GATA2: variants seen among roughly 807,000 people sequenced by gnomAD.
GATA2 encodes the protein GATA binding protein 2, also known as endothelial transcription factor GATA-2.
GATA2 carries 6 observed loss-of-function variants against 35.7 expected under a neutral mutation model. The ratio of observed to expected loss-of-function variants is 0.17; its 90% CI spans 0.09 to 0.33. The LOEUF (loss-of-function observed/expected upper bound fraction) is 0.33, where lower values mean the gene tolerates loss of function less well. GATA2 is among the 10% of genes least tolerant of loss of function. The pLI, the probability that GATA2 is intolerant of heterozygous loss-of-function variation, is 1.00. For missense variants in GATA2, 541 were observed against 656.6 expected, an observed-to-expected ratio of 0.82 and a Z score of 1.92; for synonymous variants, 313 against 274.9, an observed-to-expected ratio of 1.14 and a Z score of -1.37.
At chr3:128,491,568 G>A (rs957562462) in intron 1 of GATA2, among the ~76,000 whole-genome samples, 2 of 152,198 alleles carry the variant, frequency 1.3e-5, no homozygotes, top group South Asian at 2.1e-4. Flanking sequence ...GTTCCCAAGG[G>A]GGGGACTACT....
At position 128,480,757 on chromosome 3, in the gene GATA2, C is replaced by A; in HGVS notation, c.*262G>T. The A allele has an allele frequency of 2.0e-6, 1 of 492,870 alleles. No homozygotes were observed. Among genetic ancestry groups the A allele is most frequent in the Non-Finnish European group, 3.6e-6 (1 of 281,332 alleles). The allele number at this position is 492,870 out of a possible 1,614,324, so 30.5% of individuals were successfully genotyped here. A position where few individuals can be genotyped will look rare whatever the true frequency, so the allele number is the denominator to read the frequency against. On this transcript the variant is annotated 3_prime_UTR_variant, in exon 6 of 6. Transcript: ENST00000341105. ...CTGTCCCGTCCCCTCCTTTTCTCTA[C>A]ATAAAGTTGTCCTTGTTGTTCTCCA...
In GATA2 at chr3:128,479,580, A is replaced by C. The variant is rs1394441604; in HGVS notation, c.*1439T>G. Reference sequence around the variant, plus strand: ...ATAAAACAAGCCAAATAAAACATAAAAACAGAAAATACTGCCGATTCTTTT... The same window carrying C: ...ATAAAACAAGCCAAATAAAACATAACAACAGAAAATACTGCCGATTCTTTT... On this transcript the variant is annotated 3_prime_UTR_variant, in exon 6 of 6. Coordinates refer to ENST00000341105, the MANE Select transcript of GATA2 (RefSeq NM_032638.5). 1 of 233,468 alleles carries C rather than the reference A, an allele frequency of 4.3e-6. No homozygotes were observed. Among genetic ancestry groups the C allele is most frequent in the Non-Finnish European group, 8.5e-6 (1 of 117,960 alleles). The allele number at this position is 233,468 out of a possible 1,614,324, so 14.5% of individuals were successfully genotyped here.
At chr3:128,484,716 A>T (rs2068673139) in intron 3 of GATA2, among the ~76,000 whole-genome samples, 1 of 152,090 alleles carries the variant, frequency 6.6e-6, no homozygotes, top group Non-Finnish European at 1.5e-5. Context: ...AGGAGAAAGG[A>T]CCAAGAAAAG....
rs907114590 is a variant in GATA2, at chr3:128,481,738, T to C, written c.1143+81A>G. ...CCAAGCCAAGCCAAGCTGGATATTGTGGCTGGGGCCTCTTGCCTGGCAGCA... is the reference window on the plus strand; with the variant it reads ...CCAAGCCAAGCCAAGCTGGATATTGCGGCTGGGGCCTCTTGCCTGGCAGCA... On this transcript the variant is annotated intron_variant, in intron 5 of 5. Coordinates refer to ENST00000341105, the MANE Select transcript of GATA2 (RefSeq NM_032638.5). 6 of 1,520,390 alleles carry C rather than the reference T, an allele frequency of 3.9e-6. No homozygotes were observed. In the African/African-American group the frequency reaches 6.8e-5, roughly 17 times the overall value. 94.2% of individuals were successfully genotyped at this position (1,520,390 alleles called of 1,614,324 possible).
intron 5 of GATA2, among the ~76,000 whole-genome samples, 197 bp downstream of exon 5, chr3:128,481,622 A>T (rs1473909305): frequency 1.3e-5 from 2 of 151,204 alleles, no homozygotes; most frequent in Non-Finnish European, 3.0e-5. Context: ...CTAGTCCGAG[A>T]CCCTGTCCTA....
intron 4 of GATA2, among the ~76,000 whole-genome samples, chr3:128,482,572 G>A (rs1032283070): frequency 6.6e-6 from 1 of 152,212 alleles, no homozygotes; most frequent in Non-Finnish European, 1.5e-5. Context: ...CATGTGGCCA[G>A]GGGCTACCAC....
In GATA2 at chr3:128,487,162, G is replaced by A. The variant is rs966123568; in HGVS notation, c.-45-86C>T. The A allele has an allele frequency of 9.7e-6, 7 of 724,624 alleles. No homozygotes were observed. In the East Asian group the frequency reaches 2.0e-4, roughly 20 times the overall value. The allele number at this position is 724,624 out of a possible 1,614,324, so 44.9% of individuals were successfully genotyped here. The stretch of plus-strand genomic sequence containing the variant: ...CACGAGGTGTCCCGCACGCCACGGA[G>A]CCCCAGCCCAGATCCGGCGAGAAAG... On this transcript the variant is annotated intron_variant, in intron 1 of 5. Coordinates refer to ENST00000341105, the MANE Select transcript of GATA2 (RefSeq NM_032638.5).
intron 1 of GATA2, among the ~76,000 whole-genome samples, chr3:128,491,211 C>A (rs1406316447): frequency 5.4e-5 from 1 of 18,416 alleles, no homozygotes; most frequent in Non-Finnish European, 1.6e-4. Context: ...CCGTCCAGCC[C>A]CCCCCCCCCT....
At chr3:128,481,965 C>G (rs545687691) in intron 4 of GATA2, 21 bp from the exon 5 acceptor site, 2 of 1,611,766 alleles carry the variant, frequency 1.2e-6, no homozygotes, top group South Asian at 2.2e-5. Flanking sequence ...AAGGCAGCGT[C>G]AGCAGGCTGG....
intron 4 of GATA2, 71 bp downstream of exon 4, chr3:128,483,789 T>C (rs2107670242): frequency 6.2e-7 from 1 of 1,605,776 alleles, no homozygotes; most frequent in Non-Finnish European, 8.5e-7. Context: ...TTGAAGGAGT[T>C]TTTTTCCCCT....
intron 5 of GATA2, 46 bp downstream of exon 5, chr3:128,481,773 G>C: frequency 6.3e-7 from 1 of 1,596,434 alleles, no homozygotes; most frequent in Non-Finnish European, 8.5e-7. Flanking sequence ...ACAAAGCGCA[G>C]AGGTCCCCTG....
chr3:128,481,377 AC>A, intron 5 of GATA2, 59 bp from the exon 6 acceptor site: 1 of 1,521,606 alleles, frequency 6.6e-7, no homozygotes, highest in Non-Finnish European at 8.9e-7. Context: ...CATTCCTCCC[AC>A]CCCGCCACAG....
In GATA2 at chr3:128,486,734, G is replaced by A. The variant is rs1468953678; in HGVS notation, c.229+69C>T. The A allele has an allele frequency of 1.6e-5, 23 of 1,405,516 alleles. No individual in the cohort carries two copies. The South Asian group carries it at 2.0e-4, about 12-fold the overall frequency. The allele number at this position is 1,405,516 out of a possible 1,614,324, so 87.1% of individuals were successfully genotyped here. A position where few individuals can be genotyped will look rare whatever the true frequency, so the allele number is the denominator to read the frequency against. ...TCCTACATCCGGGAAGCAAGCAGAC[G>A]GGCCCTCCTCCCCTCCCTCGCCTGG... On this transcript the variant is annotated intron_variant, in intron 2 of 5. Transcript: ENST00000341105.
intron 1 of GATA2, among the ~76,000 whole-genome samples, chr3:128,491,412 T>A (rs565952667): frequency 1.3e-5 from 2 of 152,254 alleles, no homozygotes; most frequent in African/African-American, 4.8e-5. Flanking sequence ...GAAATTTAAT[T>A]CGCAACCCAG....
intron 1 of GATA2, among the ~76,000 whole-genome samples, chr3:128,487,309 T>C (rs1485427902): frequency 1.3e-5 from 2 of 152,106 alleles, no homozygotes; most frequent in Non-Finnish European, 2.9e-5. Flanking sequence ...CCCGTGCACA[T>C]GGGGTCACGC....
At chr3:128,486,417 G>A in intron 2 of GATA2, 49 bp from the exon 3 acceptor site, 1 of 1,571,804 alleles carries the variant, frequency 6.4e-7, no homozygotes, top group East Asian at 2.3e-5. Context: ...GATCAGGGTA[G>A]GCAGAGCTAG....
intron 1 of GATA2, among the ~76,000 whole-genome samples, chr3:128,487,327 C>T (rs2068717056): frequency 6.6e-6 from 1 of 152,174 alleles, no homozygotes; most frequent in Admixed American, 6.5e-5. Context: ...CGCCCGGGGA[C>T]GGGTCCCGAC....
In GATA2 at chr3:128,483,352, G is replaced by A. The variant is rs1007445282; in HGVS notation, c.1017+508C>T. Among the ~76,000 whole-genome samples, 1 of 152,162 alleles carries A rather than the reference G, an allele frequency of 6.6e-6. No homozygotes were observed. Among genetic ancestry groups the A allele is most frequent in the African/African-American group, 2.4e-5 (1 of 41,434 alleles). On this transcript the variant is annotated intron_variant, in intron 4 of 5. Transcript: ENST00000341105. The stretch of plus-strand genomic sequence containing the variant: ...GATGTCCGGATAGGAAACTCCGGCA[G>A]GAGATCCGAAAGGGCATTTTTTTAA...
At position 128,484,281 on chromosome 3, in the gene GATA2, G is replaced by A. The variant is rs1427305338; in HGVS notation, c.872-276C>T. 2.6e-5 allele frequency among the ~76,000 whole-genome samples: 4 copies of A among 152,338 alleles called. No homozygotes were observed. The East Asian group carries it at 7.7e-4, about 29-fold the overall frequency. ...AGGAGGAGGGGAGGAGGGGCCCAGG[G>A]CCCCAGGCGTTCTGGAGCAACCAGG... On this transcript the variant is annotated intron_variant, in intron 3 of 5. Transcript: ENST00000341105.
Sources: allele counts gnomAD v4.1 joint callset (sites outside exome capture counted in the v4.1 genomes callset), GRCh38; gene constraint gnomAD v4.1.1; transcripts MANE v1.5; gene names NCBI Gene and HGNC (gene_info 2026-07-23, HGNC 2026-07-21).